RGS7: variants seen among roughly 807,000 people sequenced by gnomAD.
RGS7 encodes the protein regulator of G-protein signaling 7.
A neutral mutation model predicts 81.1 loss-of-function variants in RGS7; 27 were observed. That is an observed-to-expected ratio of 0.33 (90% confidence interval 0.25 to 0.46). The LOEUF is 0.46. Among genes scored for constraint, RGS7 ranks in the 20% least tolerant of loss-of-function variants. The probability of loss-of-function intolerance (pLI) is 1.00; values close to 1 mark genes in which losing one functional copy is unlikely to be tolerated. For synonymous variants in RGS7, 208 were observed against 207.7 expected (o/e 1.00, Z -0.01); for missense variants, 396 against 607.4 (o/e 0.65, Z 3.66).
Position 241,181,588 on chromosome 1 carries a change from C to T in RGS7, c.79-82826G>A, listed in dbSNP as rs112807261. Among the ~76,000 whole-genome samples the T allele has an allele frequency of 1.1e-3, 171 of 152,278 alleles. 1 individual carries two copies. Among genetic ancestry groups the T allele is most frequent in the African/African-American group, 3.7e-3 (154 of 41,562 alleles). On this transcript the variant is annotated intron_variant, in intron 2 of 18. Transcript: ENST00000440928. ...AAGGTCAGAGCTGCTAGAAGTTATA[C>T]TGATGGTGGCCAGATGTTACAGGAG...
chr1:241,202,240 C>A (rs2073574251), intron 2 of RGS7, among the ~76,000 whole-genome samples: 2 of 152,258 alleles, frequency 1.3e-5, no homozygotes, highest in Middle Eastern at 6.8e-3. Context: ...AACAAAATAA[C>A]ATCAGTTGTA....
At chr1:241,173,247 C>T (rs1374824532) in intron 2 of RGS7, among the ~76,000 whole-genome samples, 2 of 152,206 alleles carry the variant, frequency 1.3e-5, no homozygotes, top group African/African-American at 4.8e-5. Context: ...CTCTAGCTCA[C>T]TTCTTCCAGT....
intron 2 of RGS7, among the ~76,000 whole-genome samples, chr1:241,220,999 G>GGAAGAA (rs1558203363): frequency 9.3e-5 from 6 of 64,740 alleles, no homozygotes; most frequent in Admixed American, 1.8e-4. Flanking sequence ...GGAAGGAAGA[G>GGAAGAA]AGAGAGAAAG....
chr1:240,889,669 C>CA (rs1412702760), intron 6 of RGS7, among the ~76,000 whole-genome samples: 11 of 152,182 alleles, frequency 7.2e-5, no homozygotes, highest in Non-Finnish European at 1.2e-4. Flanking sequence ...GAAAACAACA[C>CA]AGCATTGGTG....
chr1:240,932,876 CTT>C (rs36194238), intron 5 of RGS7, among the ~76,000 whole-genome samples: 62 of 57,298 alleles, frequency 1.1e-3, no homozygotes, highest in African/African-American at 2.5e-3. Context: ...TGGTATCTTT[CTT>C]TTTTTTTTTT....
intron 4 of RGS7, among the ~76,000 whole-genome samples, chr1:240,954,744 G>A (rs1449591559): frequency 6.6e-6 from 1 of 152,072 alleles, no homozygotes; most frequent in African/African-American, 2.4e-5. Flanking sequence ...GGAAACTCTA[G>A]CTAGTTCAAT....
At chr1:241,123,161 C>T (rs958692738) in intron 2 of RGS7, among the ~76,000 whole-genome samples, 7 of 152,190 alleles carry the variant, frequency 4.6e-5, no homozygotes, top group African/African-American at 1.7e-4. Context: ...TGCCCTGCTG[C>T]AGACCCCAGG....
At chr1:240,986,325 C>T (rs1163383483) in intron 3 of RGS7, among the ~76,000 whole-genome samples, 1 of 152,160 alleles carries the variant, frequency 6.6e-6, no homozygotes, top group Non-Finnish European at 1.5e-5. Context: ...TTTCTTCCTT[C>T]CATGATTTTG....
chr1:241,240,992 G>T (rs1036385665), intron 2 of RGS7, among the ~76,000 whole-genome samples: 11 of 152,020 alleles, frequency 7.2e-5, no homozygotes, highest in African/African-American at 2.4e-4. Flanking sequence ...GAGTTCATTT[G>T]CTCTCCTCGG....
At chr1:241,218,841 G>A (rs185054677) in intron 2 of RGS7, among the ~76,000 whole-genome samples, 2 of 151,904 alleles carry the variant, frequency 1.3e-5, no homozygotes, top group Non-Finnish European at 1.5e-5. Flanking sequence ...GTAGAGATGG[G>A]GTTTCACTAT....
chr1:240,995,372 C>G (rs961305032), intron 3 of RGS7, among the ~76,000 whole-genome samples: 1 of 152,110 alleles, frequency 6.6e-6, no homozygotes, highest in African/African-American at 2.4e-5. Context: ...GAGATATTCT[C>G]TCCTCTTCTG....
chr1:240,812,082 T>C (rs1482216048), intron 13 of RGS7, 39 bp from the exon 14 acceptor site: 6 of 1,612,746 alleles, frequency 3.7e-6, no homozygotes, highest in Non-Finnish European at 5.1e-6. Context: ...ATTCCTTTCA[T>C]TAGAATTCCC....
chr1:241,162,180 A>AC lies in RGS7; in HGVS notation c.79-63419dup, dbSNP rs565856367. ...TGATTGCAGCTGGTACCAAAGAAAG[A>AC]CCGTCTCCCAATAGATATAAAACAC... On this transcript the variant is annotated intron_variant, in intron 2 of 18. Coordinates refer to ENST00000440928, the MANE Select transcript of RGS7 (RefSeq NM_001364886.1). Among the ~76,000 whole-genome samples, 54 of 151,750 alleles carry AC rather than the reference A, an allele frequency of 3.6e-4. 1 individual carries two copies. Among genetic ancestry groups the AC allele is most frequent in the African/African-American group, 1.2e-3 (51 of 41,344 alleles).
Position 241,098,749 on chromosome 1 carries a change from A to G in RGS7, c.92T>C (p.Ile31Thr). The G allele has an allele frequency of 1.2e-6, 2 of 1,611,416 alleles. No homozygotes were observed. Among genetic ancestry groups the G allele is most frequent in the African/African-American group, 1.3e-5 (1 of 74,998 alleles). Residue 31 changes from isoleucine to threonine, a missense_variant, in exon 3 of 19, where the codon ATA becomes ACA. Coordinates refer to ENST00000440928, the MANE Select transcript of RGS7 (RefSeq NM_001364886.1). ...ATTTTTTTCATCTTGCATCCGTGCT[A>G]TGACGTCTTCCATCTAAACAATAAT... The part of the protein sequence containing the change: ...MLVYRKMEDV[I>T]ARMQDEKNGI...
intron 2 of RGS7, among the ~76,000 whole-genome samples, chr1:241,110,018 C>T (rs1392712768): frequency 3.3e-5 from 5 of 152,036 alleles, no homozygotes; most frequent in Admixed American, 6.6e-5. Flanking sequence ...AAATATTAAA[C>T]GTTAAGTTCT....
At position 241,125,648 on chromosome 1, in the gene RGS7, C is replaced by A. The variant is rs151324027; in HGVS notation, c.79-26886G>T. Among the ~76,000 whole-genome samples, 606 of 152,290 alleles carry A rather than the reference C, an allele frequency of 4.0e-3. 4 individuals carry two copies. Among genetic ancestry groups the A allele is most frequent in the African/African-American group, 0.014 (577 of 41,556 alleles). ...GTTGCTAAAACAAAAAAAACACTCT[C>A]TTTTTCTAAACTAATTTAGATGCAT... On this transcript the variant is annotated intron_variant, in intron 2 of 18. Coordinates refer to ENST00000440928, the MANE Select transcript of RGS7 (RefSeq NM_001364886.1).
intron 2 of RGS7, among the ~76,000 whole-genome samples, chr1:241,127,445 A>G (rs972218915): frequency 2.0e-5 from 3 of 152,180 alleles, no homozygotes; most frequent in Non-Finnish European, 2.9e-5. Flanking sequence ...CGCAAGGACA[A>G]AAAACCAAAC....
At position 240,786,221 on chromosome 1, in the gene RGS7, TATG is replaced by T. The variant is rs537596665; in HGVS notation, c.*7-10011_*7-10009del. On this transcript the variant is annotated intron_variant, in intron 18 of 18. Transcript: ENST00000440928. The stretch of plus-strand genomic sequence containing the variant: ...GAGAAGAAATAAATATTACTTGAAA[TATG>T]ATCATTTACATTCTATTATGTCCTT... 1.4e-4 allele frequency among the ~76,000 whole-genome samples: 22 copies of T among 152,300 alleles called. No individual in the cohort carries two copies. In the South Asian group the frequency reaches 4.6e-3, roughly 32 times the overall value.
At chr1:241,026,318 T>A (rs749086645) in intron 3 of RGS7, among the ~76,000 whole-genome samples, 15 of 152,324 alleles carry the variant, frequency 9.8e-5, no homozygotes, top group Admixed American at 2.0e-4. Context: ...CCGGGTGCGG[T>A]GACTCCTGCC....
Sources: allele counts gnomAD v4.1 joint callset (sites outside exome capture counted in the v4.1 genomes callset), GRCh38; gene constraint gnomAD v4.1.1; transcripts MANE v1.5; gene names NCBI Gene and HGNC (gene_info 2026-07-23, HGNC 2026-07-21).